CD109: variants seen among roughly 807,000 people sequenced by gnomAD.
The protein encoded by CD109 is CD109 antigen.
In CD109, 149 loss-of-function variants were observed where a neutral mutation model predicts 165.8. The observed-to-expected ratio is 0.90, with a 90% CI of 0.79 to 1.03. The LOEUF (loss-of-function observed/expected upper bound fraction) is 1.03. Ranked by LOEUF, CD109 falls within the 50% of genes least tolerant of loss-of-function variation. The pLI, the probability that CD109 is intolerant of heterozygous loss-of-function variation, is 0.00. For missense variants in CD109, 1,712 were observed against 1,677.8 expected (o/e 1.02, Z -0.36); for synonymous variants, 585 against 592.1 (o/e 0.99, Z 0.18).
At chr6:73,692,943 A>G (rs920913792), upstream of CD109, among the ~76,000 whole-genome samples, 1 of 152,212 alleles carries the variant, frequency 6.6e-6, no homozygotes, top group African/African-American at 2.4e-5. Context: ...AGTCTCAGGT[A>G]TGTCTTTATT....
chr6:73,802,289 G>GTGTATA (rs71542231), intron 23 of CD109, among the ~76,000 whole-genome samples: 85 of 78,096 alleles, frequency 1.1e-3, no homozygotes, highest in African/African-American at 2.5e-3. Flanking sequence ...GTGTGTGTGT[G>GTGTATA]TATATATATA....
chr6:73,768,761 C>T (rs938496985), intron 14 of CD109, among the ~76,000 whole-genome samples: 1 of 152,096 alleles, frequency 6.6e-6, no homozygotes, highest in Non-Finnish European at 1.5e-5. Context: ...CCTTTTATAG[C>T]CTAATGTGAC....
chr6:73,815,160 T>G (rs1775894560), intron 30 of CD109, 37 bp downstream of exon 30: 3 of 1,513,912 alleles, frequency 2.0e-6, no homozygotes, highest in South Asian at 1.3e-5. Context: ...TTTTTTTCCT[T>G]TAAAAAATAG....
In CD109 at chr6:73,787,510, GA is replaced by G. The variant is rs990882953; in HGVS notation, c.2556+60del. The stretch of plus-strand genomic sequence containing the variant: ...GAAATACGTAATTAAAAAGGAAGCA[GA>G]AGGTTTTTTCTCTTGGTTAAATTTG... On this transcript the variant is annotated intron_variant, in intron 21 of 32. Transcript: ENST00000287097. The G allele has an allele frequency of 5.6e-5, 79 of 1,411,652 alleles. No homozygotes were observed. In the Middle Eastern group the frequency reaches 1.8e-3, roughly 32 times the overall value. 87.4% of individuals were successfully genotyped at this position (1,411,652 alleles called of 1,614,324 possible).
chr6:73,797,487 T>C (rs1044516519), intron 23 of CD109, among the ~76,000 whole-genome samples: 1 of 152,336 alleles, frequency 6.6e-6, no homozygotes, highest in Non-Finnish European at 1.5e-5. Context: ...CTAGTGGCCA[T>C]AGCTTAAAAA....
At chr6:73,808,449 C>CAGAT in intron 26 of CD109, among the ~76,000 whole-genome samples, 2 of 152,212 alleles carry the variant, frequency 1.3e-5, no homozygotes, top group East Asian at 3.9e-4. Flanking sequence ...TTTCAGGGCT[C>CAGAT]AGATGTCTCT....
intron 2 of CD109, among the ~76,000 whole-genome samples, chr6:73,712,054 A>G (rs1005603015): frequency 6.6e-6 from 1 of 152,186 alleles, no homozygotes; most frequent in Non-Finnish European, 1.5e-5. Context: ...TGTATTTTAT[A>G]CAAAAATTAG....
At chr6:73,720,645 T>G (rs1211463117) in intron 2 of CD109, among the ~76,000 whole-genome samples, 2 of 152,170 alleles carry the variant, frequency 1.3e-5, no homozygotes, top group Admixed American at 6.5e-5. Context: ...CAATTATTAC[T>G]TGTCAATTAA....
chr6:73,702,417 G>A (rs1771117950), intron 2 of CD109, among the ~76,000 whole-genome samples: 1 of 152,206 alleles, frequency 6.6e-6, no homozygotes, highest in African/African-American at 2.4e-5. Context: ...CTTTATGAAA[G>A]TAGATTAATT....
intron 5 of CD109, among the ~76,000 whole-genome samples, chr6:73,756,321 A>C (rs1361814266): frequency 6.6e-6 from 1 of 152,174 alleles, no homozygotes; most frequent in Non-Finnish European, 1.5e-5. Flanking sequence ...TCAATTATCT[A>C]GTTTAATCTA....
At chr6:73,781,836 C>CACACACACACACACACACACACA (rs386359122) in intron 17 of CD109, among the ~76,000 whole-genome samples, 1,265 of 62,040 alleles carry the variant, frequency 0.02, 18 homozygotes, top group African/African-American at 0.05. Flanking sequence ...CACACACACA[C>CACACACACACACACACACACACA]CCCTCATCAA....
chr6:73,730,493 A>G lies in CD109; in HGVS notation c.426A>G (p.Pro142=), dbSNP rs778795227. 6.2e-7 allele frequency: 1 copy of G among 1,614,180 alleles called. No homozygotes were observed. The highest frequency in any genetic ancestry group is 2.2e-5 in the East Asian group (1 of 44,884). Residue 142 remains proline (P), a synonymous_variant, in exon 4 of 33, where the codon CCA becomes CCG. Transcript: ENST00000287097. ...AAACAGACAAGGCCTTATACAAGCC[A>G]AAGCAAGAAGTGAAGTTTCGCATTG... ...FIQTDKALYK[P]KQEVKFRIVT...
At chr6:73,766,512 T>C (rs1773853211) in intron 11 of CD109, among the ~76,000 whole-genome samples, 1 of 124,400 alleles carries the variant, frequency 8.0e-6, no homozygotes, top group African/African-American at 3.3e-5. Context: ...CACACATATA[T>C]ATGTATATGT....
chr6:73,811,912 T>TA (rs1775770533), intron 28 of CD109, among the ~76,000 whole-genome samples: 1 of 152,124 alleles, frequency 6.6e-6, no homozygotes, highest in Non-Finnish European at 1.5e-5. Flanking sequence ...GAGATGACTT[T>TA]AGTTTCTTGT....
upstream of CD109, among the ~76,000 whole-genome samples, chr6:73,692,297 A>G (rs932837546): frequency 2.0e-5 from 3 of 152,182 alleles, no homozygotes; most frequent in Non-Finnish European, 4.4e-5. Context: ...TTTTCATGCA[A>G]TAAGCATAGA....
chr6:73,702,807 C>G (rs1771130707), intron 2 of CD109, among the ~76,000 whole-genome samples: 1 of 152,138 alleles, frequency 6.6e-6, no homozygotes, highest in Non-Finnish European at 1.5e-5. Flanking sequence ...GTAACATATT[C>G]AAGGCACTTA....
chr6:73,768,295 T>C, intron 14 of CD109, 64 bp downstream of exon 14: 1 of 997,992 alleles, frequency 1.0e-6, no homozygotes, highest in Non-Finnish European at 1.5e-6. Context: ...AGAAATGTAA[T>C]ATTTCTTTAG....
chr6:73,818,634 T>C, intron 31 of CD109, 99 bp downstream of exon 31: 2 of 1,144,524 alleles, frequency 1.7e-6, no homozygotes, highest in Non-Finnish European at 2.5e-6. Flanking sequence ...TTCATTGTTA[T>C]TTCAACTTTT....
At chr6:73,697,363 A>G in intron 1 of CD109, 37 bp from the exon 2 acceptor site, 4 of 1,598,094 alleles carry the variant, frequency 2.5e-6, no homozygotes, top group Non-Finnish European at 3.4e-6. Context: ...ATGTGAGGAT[A>G]AGAAACTTTG....
Sources: gnomAD v4.1 joint callset for allele counts (sites outside exome capture counted in the v4.1 genomes callset) on GRCh38, gnomAD v4.1.1 for gene constraint, MANE v1.5 for transcripts, NCBI Gene and HGNC (gene_info 2026-07-23, HGNC 2026-07-21) for gene names.